The following PODNL1 variants were observed in gnomAD, a reference collection of about 807,000 sequenced individuals.
The protein encoded by PODNL1 is podocan like 1, also known as podocan-like protein 1.
In PODNL1, 50 loss-of-function variants were observed where a neutral mutation model predicts 45.1. The ratio of observed to expected loss-of-function variants is 1.11; its 90% CI spans 0.88 to 1.40. The LOEUF is 1.40. Among genes scored for constraint, PODNL1 ranks in the 40% most tolerant of loss-of-function variants. The pLI is 0.00. For synonymous variants in PODNL1, 406 were observed against 372.5 expected (o/e 1.09, Z -1.04); for missense variants, 788 against 793.3 (o/e 0.99, Z 0.08).
Position 13,933,492 on chromosome 19 carries a change from T to A in PODNL1, c.768-37A>T, listed in dbSNP as rs201972395. ...GAGGGTCGGTGTTAGGTGGGGCACTTGGAGTGGGGTGCCTGACAGATTTTG... is the reference window on the plus strand; with the variant it reads ...GAGGGTCGGTGTTAGGTGGGGCACTAGGAGTGGGGTGCCTGACAGATTTTG... On this transcript the variant is annotated intron_variant, in intron 7 of 9. Transcript: ENST00000588872. This position sits in a 1 kb window ranked among gnomAD's most constrained non-coding sequence, Gnocchi z 5.2. 1.7e-5 allele frequency: 26 copies of A among 1,516,834 alleles called. 1 individual carries two copies. The highest frequency in any genetic ancestry group is 4.1e-5 in the Admixed American group (2 of 49,008). 94.0% of individuals were successfully genotyped at this position (1,516,834 alleles called of 1,614,324 possible). A position where few individuals can be genotyped will look rare whatever the true frequency, so the allele number is the denominator to read the frequency against.
intron 1 of PODNL1, among the ~76,000 whole-genome samples, chr19:13,947,104 G>A (rs1350527940): frequency 6.9e-6 from 1 of 145,810 alleles, no homozygotes; most frequent in Non-Finnish European, 1.5e-5. Context: ...TGTAGGCGGA[G>A]GTTTCAGTGA....
chr19:13,932,376 T>C (rs74580226), intron 8 of PODNL1: 1 of 493,266 alleles, frequency 2.0e-6, no homozygotes. Context: ...ACTTTTTTTT[T>C]CAAGAGACAG....
upstream of PODNL1, among the ~76,000 whole-genome samples, chr19:13,940,297 C>T (rs56405848): frequency 0.06 from 9,148 of 151,786 alleles, 751 homozygotes; most frequent in African/African-American, 0.19. Flanking sequence ...GGGGGCCAGG[C>T]GCGGTGGCTC....
upstream of PODNL1, among the ~76,000 whole-genome samples, chr19:13,942,514 A>G (rs1259945571): frequency 1.3e-5 from 2 of 152,128 alleles, no homozygotes; most frequent in African/African-American, 4.8e-5. Flanking sequence ...TCTTCCTGCA[A>G]CAAACTCCCC....
chr19:13,942,647 G>C (rs1359938540), upstream of PODNL1, among the ~76,000 whole-genome samples: 1 of 152,138 alleles, frequency 6.6e-6, no homozygotes, highest in Non-Finnish European at 1.5e-5. Context: ...GTCCAGCATG[G>C]AGCCTGGTAT....
chr19:13,943,164 C>T (rs889840721), upstream of PODNL1, among the ~76,000 whole-genome samples: 1 of 147,440 alleles, frequency 6.8e-6, no homozygotes, highest in Non-Finnish European at 1.5e-5. Flanking sequence ...GGCATGGTGG[C>T]ACATGCCTGT....
At chr19:13,932,675 C>T in intron 8 of PODNL1, 123 bp downstream of exon 8, 1 of 1,580,252 alleles carries the variant, frequency 6.3e-7, no homozygotes, top group Non-Finnish European at 8.6e-7. Context: ...CCTTCTAACC[C>T]ACTCTTATCA....
Position 13,931,479 on chromosome 19 carries a change from A to C in PODNL1, c.*258T>G. 2.6e-6 allele frequency: 1 copy of C among 381,320 alleles called. No individual in the cohort carries two copies. The highest frequency in any genetic ancestry group is 4.6e-6 in the Non-Finnish European group (1 of 216,772). 23.6% of individuals were successfully genotyped at this position (381,320 alleles called of 1,614,324 possible). Reference sequence around the variant, plus strand: ...TGCCTGGTCCGTGCTGAGTGCTGGAAGGGTTTGGCTTTATTGTTGCTGCCT... The same window carrying C: ...TGCCTGGTCCGTGCTGAGTGCTGGACGGGTTTGGCTTTATTGTTGCTGCCT... On this transcript the variant is annotated 3_prime_UTR_variant, in exon 10 of 10. Coordinates refer to ENST00000588872, the MANE Select transcript of PODNL1 (RefSeq NM_001370095.3).
intron 1 of PODNL1, among the ~76,000 whole-genome samples, chr19:13,951,437 AC>A (rs1303248537): frequency 6.6e-6 from 1 of 151,938 alleles, no homozygotes; most frequent in Non-Finnish European, 1.5e-5. Flanking sequence ...GGTGTTGGAG[AC>A]CAGCCTGGAC....
chr19:13,940,574 A>AC (rs1972624775), upstream of PODNL1, among the ~76,000 whole-genome samples: 1 of 144,650 alleles, frequency 6.9e-6, no homozygotes, highest in Admixed American at 7.0e-5. Context: ...CCGTCTCAAA[A>AC]AAAAAAAAAA....
At chr19:13,945,062 C>G (rs1464572266) in intron 1 of PODNL1, among the ~76,000 whole-genome samples, 1 of 152,156 alleles carries the variant, frequency 6.6e-6, no homozygotes, top group East Asian at 1.9e-4. Flanking sequence ...AGGCATGAGC[C>G]ACCACACTCG....
intron 1 of PODNL1, chr19:13,949,161 T>C (rs1216407634): frequency 2.6e-5 from 4 of 152,042 alleles, no homozygotes; most frequent in Non-Finnish European, 5.9e-5. Flanking sequence ...CATTTCACCA[T>C]GTTGACCAGG....
intron 6 of PODNL1, 45 bp downstream of exon 6, chr19:13,934,209 A>T: frequency 1.3e-6 from 2 of 1,482,562 alleles, no homozygotes; most frequent in South Asian, 2.8e-5. Context: ...CCCTGGAAAG[A>T]GGTGAAGAGA....
chr19:13,952,860 G>T (rs1236304093), intron 1 of PODNL1, among the ~76,000 whole-genome samples: 1 of 135,628 alleles, frequency 7.4e-6, no homozygotes, highest in Non-Finnish European at 1.6e-5. Context: ...CGGGTGACCG[G>T]CAAAGGGGCT....
chr19:13,952,463 G>A (rs1973090410), intron 1 of PODNL1: 1 of 1,246,822 alleles, frequency 8.0e-7, no homozygotes, highest in Non-Finnish European at 1.0e-6. Context: ...GAGGCGGCAG[G>A]GGTGGGGCGA....
At position 13,952,776 on chromosome 19, in the gene PODNL1, G is replaced by A. The variant is rs1048634083; in HGVS notation, c.18+343C>T. 3.5e-5 allele frequency: 43 copies of A among 1,232,832 alleles called. No individual in the cohort carries two copies. In the African/African-American group the frequency reaches 7.2e-4, roughly 21 times the overall value. 76.4% of individuals were successfully genotyped at this position (1,232,832 alleles called of 1,614,324 possible). A position where few individuals can be genotyped will look rare whatever the true frequency, so the allele number is the denominator to read the frequency against. The stretch of plus-strand genomic sequence containing the variant: ...CCAGGGGAGGGGGCTCGGATGCAGG[G>A]CCTGGGCGGGGCCCGGGGGAGATGG... On this transcript the variant is annotated intron_variant, in intron 1 of 7. Transcript: ENST00000538371.
intron 1 of PODNL1, among the ~76,000 whole-genome samples, chr19:13,946,293 G>T (rs1246085054): frequency 6.6e-6 from 1 of 151,918 alleles, no homozygotes; most frequent in Non-Finnish European, 1.5e-5. Flanking sequence ...GCCAGACGTG[G>T]TGGTGGGTAC....
upstream of PODNL1, among the ~76,000 whole-genome samples, chr19:13,941,458 G>A (rs1348655530): frequency 1.3e-5 from 2 of 152,086 alleles, no homozygotes; most frequent in Non-Finnish European, 2.9e-5. Flanking sequence ...CTTGAGACAA[G>A]GATTGAGTGC....
intron 8 of PODNL1, 55 bp from the exon 9 acceptor site, chr19:13,932,167 C>T (rs1432663443): frequency 2.4e-6 from 3 of 1,235,856 alleles, no homozygotes; most frequent in Non-Finnish European, 3.0e-6. Context: ...GGCCACTCAG[C>T]TCAGCCAGCC....
Sources: gnomAD v4.1 joint callset for allele counts (sites outside exome capture counted in the v4.1 genomes callset) on GRCh38, gnomAD v4.1.1 for gene constraint, Gnocchi (gnomAD v3.1) non-coding constraint, MANE v1.5 for transcripts, NCBI Gene and HGNC (gene_info 2026-07-23, HGNC 2026-07-21) for gene names.